ERC2: variants seen among roughly 807,000 people sequenced by gnomAD.
ERC2 encodes ERC protein 2.
Under a neutral mutation model 114.8 loss-of-function variants are expected in ERC2, and 42 were observed. That is an observed-to-expected ratio of 0.37 (90% CI 0.29 to 0.47). ERC2 has a LOEUF of 0.47. Ranked by LOEUF, ERC2 falls within the 20% of genes least tolerant of loss-of-function variation. ERC2 has a pLI of 0.99. For synonymous variants in ERC2, 454 were observed against 425.5 expected (o/e 1.07, Z -0.82); for missense variants, 939 against 1,150.7 (o/e 0.82, Z 2.66).
At chr3:55,696,307 T>G (rs1241305671) in intron 16 of ERC2, among the ~76,000 whole-genome samples, 3 of 152,220 alleles carry the variant, frequency 2.0e-5, no homozygotes, top group Non-Finnish European at 4.4e-5. Flanking sequence ...AGAGGCAATA[T>G]CAACATTTTG....
chr3:56,118,202 GC>G (rs776770441), intron 6 of ERC2, among the ~76,000 whole-genome samples: 82 of 152,296 alleles, frequency 5.4e-4, no homozygotes, highest in Non-Finnish European at 1.0e-3. Context: ...TAGGGACCAT[GC>G]TGAGCACATG....
rs369153237 is a variant in ERC2 at position 56,114,522 on chromosome 3, G to A, written c.1473+24987C>T. ...AACTCAGTTTTTAAGGTTTCTCTGG[G>A]GTTCCTTTAGCCAAGAGGGGGTTCC... On this transcript the variant is annotated intron_variant, in intron 6 of 17. Transcript: ENST00000288221. 2.6e-5 allele frequency among the ~76,000 whole-genome samples: 4 copies of A among 152,208 alleles called. No homozygotes were observed. The East Asian group carries it at 7.7e-4, about 29-fold the overall frequency.
At chr3:55,617,870 T>C (rs1025634250) in intron 17 of ERC2, among the ~76,000 whole-genome samples, 3 of 152,242 alleles carry the variant, frequency 2.0e-5, no homozygotes, top group African/African-American at 7.2e-5. Flanking sequence ...GCCACTTGAC[T>C]CTTTCTAGCA....
At chr3:55,827,317 G>GAA (rs1447038831) in intron 14 of ERC2, among the ~76,000 whole-genome samples, 1 of 148,770 alleles carries the variant, frequency 6.7e-6, no homozygotes, top group Non-Finnish European at 1.5e-5. Flanking sequence ...AAGAAAGAAA[G>GAA]AAGAAAGAGA....
intron 2 of ERC2, among the ~76,000 whole-genome samples, chr3:56,433,309 A>C (rs979588929): frequency 1.3e-5 from 2 of 152,236 alleles, no homozygotes; most frequent in African/African-American, 4.8e-5. Context: ...GGCATTAAAA[A>C]AGAAAAGAAA....
chr3:56,200,337 A>G (rs2150093005), intron 3 of ERC2, among the ~76,000 whole-genome samples: 1 of 126,802 alleles, frequency 7.9e-6, no homozygotes, highest in East Asian at 2.6e-4. Flanking sequence ...TGCCTACTCA[A>G]ATACTCAGGG....
intron 2 of ERC2, among the ~76,000 whole-genome samples, chr3:56,419,252 A>G (rs1471279972): frequency 6.6e-6 from 1 of 152,206 alleles, no homozygotes; most frequent in Non-Finnish European, 1.5e-5. Flanking sequence ...ACAAATGCCT[A>G]CAGCATAACT....
rs147953041 is a variant in ERC2, at chr3:56,355,498, G to T, written c.658-59063C>A. ...ATGCTCGGATAATTTTTTTTGTAAA[G>T]ACAGGATCTTCCCATGTTGCCCACA... On this transcript the variant is annotated intron_variant, in intron 2 of 17. Coordinates refer to ENST00000288221, the MANE Select transcript of ERC2 (RefSeq NM_015576.3). 1.6e-4 allele frequency among the ~76,000 whole-genome samples: 25 copies of T among 151,834 alleles called. No homozygotes were observed. The East Asian group carries it at 4.5e-3, about 27-fold the overall frequency.
intron 3 of ERC2, among the ~76,000 whole-genome samples, chr3:56,234,442 A>T (rs2050814722): frequency 6.6e-6 from 1 of 152,212 alleles, no homozygotes. Flanking sequence ...TAAGTTGTAT[A>T]ACAACATCCC....
chr3:55,869,829 G>T (rs953911823), intron 14 of ERC2, among the ~76,000 whole-genome samples: 1 of 152,106 alleles, frequency 6.6e-6, no homozygotes, highest in African/African-American at 2.4e-5. Context: ...GAGAAAGAAT[G>T]CACAATATCC....
chr3:56,256,360 A>G (rs1342510220), intron 3 of ERC2, among the ~76,000 whole-genome samples: 1 of 152,214 alleles, frequency 6.6e-6, no homozygotes, highest in Non-Finnish European at 1.5e-5. Context: ...TTGGACACAA[A>G]ATTAAACTAA....
At chr3:55,695,994 TG>T (rs1405603644) in intron 16 of ERC2, among the ~76,000 whole-genome samples, 1 of 152,168 alleles carries the variant, frequency 6.6e-6, no homozygotes, top group Non-Finnish European at 1.5e-5. Flanking sequence ...CAAAATACTT[TG>T]CCCAGAGAAT....
At chr3:55,514,666 G>C (rs909271063) in intron 17 of ERC2, among the ~76,000 whole-genome samples, 6 of 152,294 alleles carry the variant, frequency 3.9e-5, no homozygotes, top group East Asian at 1.9e-4. Flanking sequence ...GTCAGCAAGG[G>C]AACAGGGACC....
intron 14 of ERC2, among the ~76,000 whole-genome samples, chr3:55,759,923 C>A (rs899799943): frequency 6.6e-6 from 1 of 152,168 alleles, no homozygotes; most frequent in African/African-American, 2.4e-5. Flanking sequence ...TTGAAGTTTC[C>A]TTAAAAGTTA....
chr3:55,648,501 A>G (rs955970484), intron 17 of ERC2, among the ~76,000 whole-genome samples: 4 of 152,248 alleles, frequency 2.6e-5, no homozygotes, highest in Admixed American at 6.5e-5. Flanking sequence ...TGAGGATGAC[A>G]GTTCTGTGGG....
chr3:56,214,511 A>C (rs996460904), intron 3 of ERC2, among the ~76,000 whole-genome samples: 6 of 152,114 alleles, frequency 3.9e-5, no homozygotes, highest in African/African-American at 9.7e-5. Context: ...CCAAATCTAC[A>C]TCTGATTGGT....
At chr3:56,140,533 C>T (rs2080792332) in intron 5 of ERC2, among the ~76,000 whole-genome samples, 1 of 151,966 alleles carries the variant, frequency 6.6e-6, no homozygotes, top group Admixed American at 6.6e-5. Flanking sequence ...TAGAGTATTC[C>T]ATTGTAAGAC....
intron 9 of ERC2, 101 bp downstream of exon 9, chr3:56,010,348 T>C: frequency 1.4e-6 from 2 of 1,385,832 alleles, no homozygotes; most frequent in Non-Finnish European, 2.0e-6. Flanking sequence ...TCCCCAAGCC[T>C]TCATACAGTG....
At chr3:55,892,064 T>C (rs1196033217) in intron 13 of ERC2, among the ~76,000 whole-genome samples, 1 of 152,236 alleles carries the variant, frequency 6.6e-6, no homozygotes, top group African/African-American at 2.4e-5. Context: ...TTCCATTTCC[T>C]CATCCATATT....
Sources: gnomAD v4.1 joint callset for allele counts (sites outside exome capture counted in the v4.1 genomes callset) on GRCh38, gnomAD v4.1.1 for gene constraint, MANE v1.5 for transcripts, NCBI Gene and HGNC (gene_info 2026-07-23, HGNC 2026-07-21) for gene names.